Variants in SPIRE1 observed in about 807,000 individuals in gnomAD.
The protein encoded by SPIRE1 is spire type actin nucleation factor 1, also known as protein spire homolog 1.
SPIRE1 carries 40 observed loss-of-function variants against 94.1 expected under a neutral mutation model. The ratio of observed to expected loss-of-function variants is 0.43; its 90% CI spans 0.33 to 0.55. The LOEUF (loss-of-function observed/expected upper bound fraction) is 0.55, where lower values mean the gene tolerates loss of function less well. Ranked by LOEUF, SPIRE1 falls within the 20% of genes least tolerant of loss-of-function variation. SPIRE1 has a pLI of 0.06. For missense variants in SPIRE1, 838 were observed against 975.2 expected, an observed-to-expected ratio of 0.86 and a Z score of 1.87; for synonymous variants, 376 against 371.7, an observed-to-expected ratio of 1.01 and a Z score of -0.13.
In SPIRE1 at chr18:12,552,794, T is replaced by G. The variant is rs2035391681; in HGVS notation, c.373-5890A>C. Among the ~76,000 whole-genome samples the G allele has an allele frequency of 2.0e-5, 3 of 152,196 alleles. 1 individual carries two copies. In the Middle Eastern group the frequency reaches 0.01, roughly 518 times the overall value. ...CTTAAAAGGGACAGGAATTGCTCAC[T>G]CCAGGAGCTCTCTTGAGACAGGAGT... On this transcript the variant is annotated intron_variant, in intron 2 of 16. Transcript: ENST00000409402.
chr18:12,462,055 C>T (rs1054957177), intron 12 of SPIRE1, among the ~76,000 whole-genome samples: 2 of 152,178 alleles, frequency 1.3e-5, no homozygotes, highest in African/African-American at 4.8e-5. Context: ...GTTCTGTTTT[C>T]TTGTTGGTAA....
At chr18:12,609,927 C>A (rs1035098919) in intron 2 of SPIRE1, among the ~76,000 whole-genome samples, 1 of 151,948 alleles carries the variant, frequency 6.6e-6, no homozygotes, top group Non-Finnish European at 1.5e-5. Flanking sequence ...CACCTTTTTG[C>A]TCCAGACTAA....
chr18:12,494,625 C>T (rs1200159168), intron 7 of SPIRE1, among the ~76,000 whole-genome samples: 1 of 150,906 alleles, frequency 6.6e-6, no homozygotes. Flanking sequence ...GTCAGGAAAT[C>T]AAGATCATCC....
chr18:12,536,635 TA>T (rs1422217432), intron 3 of SPIRE1, among the ~76,000 whole-genome samples: 2 of 152,184 alleles, frequency 1.3e-5, no homozygotes, highest in Non-Finnish European at 2.9e-5. Flanking sequence ...CCTACAGCCC[TA>T]ATGTCCTTTA....
chr18:12,596,257 C>G (rs2036668293), intron 2 of SPIRE1, among the ~76,000 whole-genome samples: 1 of 152,202 alleles, frequency 6.6e-6, no homozygotes, highest in Non-Finnish European at 1.5e-5. Flanking sequence ...AGAAAGAAGA[C>G]TAGAGTCTGT....
intron 2 of SPIRE1, among the ~76,000 whole-genome samples, chr18:12,592,096 A>G (rs528344815): frequency 6.6e-6 from 1 of 151,974 alleles, no homozygotes; most frequent in Non-Finnish European, 1.5e-5. Context: ...ATTTCAGAGG[A>G]GCAAATAATT....
intron 4 of SPIRE1, among the ~76,000 whole-genome samples, chr18:12,535,222 T>C (rs563528054): frequency 1.3e-5 from 2 of 152,354 alleles, no homozygotes; most frequent in African/African-American, 4.8e-5. Context: ...GTAGCATTTA[T>C]TTCCATTTGC....
At chr18:12,497,712 C>T (rs1037455080) in intron 6 of SPIRE1, among the ~76,000 whole-genome samples, 32 of 152,246 alleles carry the variant, frequency 2.1e-4, no homozygotes, top group African/African-American at 7.7e-4. Flanking sequence ...GCACCACCCA[C>T]TACTTGTGGA....
chr18:12,508,940 G>T (rs1371804620), intron 5 of SPIRE1, among the ~76,000 whole-genome samples: 1 of 152,188 alleles, frequency 6.6e-6, no homozygotes, highest in Non-Finnish European at 1.5e-5. Flanking sequence ...CTCCCAAAGT[G>T]CTGAGATTAC....
At chr18:12,469,185 G>T (rs1006445556) in intron 10 of SPIRE1, among the ~76,000 whole-genome samples, 3 of 152,046 alleles carry the variant, frequency 2.0e-5, no homozygotes, top group Non-Finnish European at 2.9e-5. Flanking sequence ...GTAACATTTT[G>T]ATTTTTAAAA....
At chr18:12,539,561 C>T (rs1159717945) in intron 3 of SPIRE1, among the ~76,000 whole-genome samples, 4 of 150,410 alleles carry the variant, frequency 2.7e-5, no homozygotes, top group Non-Finnish European at 5.9e-5. Flanking sequence ...TATCTCAGAC[C>T]CTTAAACATA....
At chr18:12,563,329 T>G (rs2035739469) in intron 2 of SPIRE1, among the ~76,000 whole-genome samples, 1 of 150,472 alleles carries the variant, frequency 6.6e-6, no homozygotes, top group South Asian at 2.2e-4. Flanking sequence ...GTCTTTTTTT[T>G]TTAAGAGATG....
In SPIRE1 at chr18:12,525,014, C is replaced by T. The variant is rs1394568406; in HGVS notation, c.729+10462G>A. On this transcript the variant is annotated intron_variant, in intron 4 of 16. Transcript: ENST00000409402. The stretch of plus-strand genomic sequence containing the variant: ...AAAAGTGGCCAGGCACGGTGGCTCA[C>T]GCCTGTAATCCCAGCACTTTGGGAG... 1.7e-4 allele frequency among the ~76,000 whole-genome samples: 26 copies of T among 151,100 alleles called. No individual in the cohort carries two copies. In the South Asian group the frequency reaches 1.9e-3, roughly 11 times the overall value.
intron 3 of SPIRE1, among the ~76,000 whole-genome samples, chr18:12,545,818 C>G (rs1228216053): frequency 6.6e-6 from 1 of 152,022 alleles, no homozygotes; most frequent in African/African-American, 2.4e-5. Flanking sequence ...AAAGGAAATA[C>G]AGAGGTCAAC....
chr18:12,479,932 C>A, intron 9 of SPIRE1, 61 bp from the exon 10 acceptor site: 1 of 1,508,610 alleles, frequency 6.6e-7, no homozygotes, highest in South Asian at 1.3e-5. Context: ...GTGTTGGAAG[C>A]ATACCAGGTA....
At chr18:12,535,379 CA>C in intron 4 of SPIRE1, 96 bp downstream of exon 4, 1 of 1,292,104 alleles carries the variant, frequency 7.7e-7, no homozygotes, top group Admixed American at 2.0e-5. Context: ...TAAAACAATA[CA>C]GCGGACAATA....
chr18:12,614,927 G>A (rs1209937089), intron 2 of SPIRE1, among the ~76,000 whole-genome samples: 1 of 152,098 alleles, frequency 6.6e-6, no homozygotes, highest in Non-Finnish European at 1.5e-5. Context: ...GGTGGCTCAT[G>A]CCTGTAATCC....
chr18:12,499,337 AC>A (rs2033575198), intron 6 of SPIRE1, among the ~76,000 whole-genome samples: 1 of 151,964 alleles, frequency 6.6e-6, no homozygotes, highest in African/African-American at 2.4e-5. Flanking sequence ...TTGTTTTTGT[AC>A]TCTGAATTCT....
intron 6 of SPIRE1, 59 bp downstream of exon 6, chr18:12,506,418 C>G (rs948274912): frequency 2.1e-5 from 32 of 1,527,258 alleles, no homozygotes; most frequent in Admixed American, 1.3e-4. Flanking sequence ...CTCGACCTCC[C>G]AAAGTGCTGG....
Sources: allele counts gnomAD v4.1 joint callset (sites outside exome capture counted in the v4.1 genomes callset), GRCh38; gene constraint gnomAD v4.1.1; transcripts MANE v1.5; gene names NCBI Gene and HGNC (gene_info 2026-07-23, HGNC 2026-07-21).